The following MMP16 variants were observed in gnomAD, a reference collection of about 807,000 sequenced individuals.
MMP16 encodes matrix metalloproteinase-16.
MMP16 carries 12 observed loss-of-function variants against 67.8 expected under a neutral mutation model. That is an observed-to-expected ratio of 0.18 (90% CI 0.11 to 0.29). The LOEUF (loss-of-function observed/expected upper bound fraction) is 0.29. Ranked by LOEUF, MMP16 falls within the 10% of genes least tolerant of loss-of-function variation. The pLI is 1.00. For synonymous variants in MMP16, 249 were observed against 255.9 expected (o/e 0.97, Z 0.26); for missense variants, 475 against 765.7 (o/e 0.62, Z 4.48).
chr8:88,293,158 T>C (rs955112438), intron 1 of MMP16, among the ~76,000 whole-genome samples: 1 of 152,178 alleles, frequency 6.6e-6, no homozygotes, highest in Non-Finnish European at 1.5e-5. Context: ...TTGATTATTT[T>C]AAATAGATAA....
chr8:88,044,773 T>C, intron 9 of MMP16, among the ~76,000 whole-genome samples: 1 of 152,222 alleles, frequency 6.6e-6, no homozygotes, highest in East Asian at 1.9e-4. Context: ...GCAGTGCCTC[T>C]GTGTTCTATT....
chr8:88,307,291 T>C (rs1411990582), intron 1 of MMP16, among the ~76,000 whole-genome samples: 1 of 152,156 alleles, frequency 6.6e-6, no homozygotes, highest in Admixed American at 6.5e-5. Context: ...TTTTGTATCA[T>C]GAAATGAAGA....
intron 1 of MMP16, among the ~76,000 whole-genome samples, chr8:88,210,127 C>G (rs1264672363): frequency 2.6e-5 from 4 of 152,088 alleles, no homozygotes; most frequent in Non-Finnish European, 5.9e-5. Context: ...GACTTCTAGC[C>G]TCCAAAACTG....
chr8:88,180,567 AT>A (rs1331262771), intron 3 of MMP16, among the ~76,000 whole-genome samples: 1 of 152,112 alleles, frequency 6.6e-6, no homozygotes, highest in Non-Finnish European at 1.5e-5. Flanking sequence ...AAAGGTCTCA[AT>A]TTTCCAAGAA....
intron 7 of MMP16, among the ~76,000 whole-genome samples, chr8:88,067,257 A>G (rs1808475074): frequency 6.6e-6 from 1 of 152,138 alleles, no homozygotes; most frequent in African/African-American, 2.4e-5. Context: ...AACGGGCTCA[A>G]CTAAGAAACT....
At chr8:88,114,070 G>A (rs1809386619) in intron 6 of MMP16, among the ~76,000 whole-genome samples, 1 of 151,730 alleles carries the variant, frequency 6.6e-6, no homozygotes, top group African/African-American at 2.4e-5. Flanking sequence ...AAACTTTTCT[G>A]ACTTTCATTT....
intron 1 of MMP16, among the ~76,000 whole-genome samples, chr8:88,272,918 T>G (rs1810588161): frequency 6.6e-6 from 1 of 152,048 alleles, no homozygotes; most frequent in Non-Finnish European, 1.5e-5. Flanking sequence ...AATTCTATGA[T>G]TCTGTCATTT....
At chr8:88,283,858 CT>C (rs1280635724) in intron 1 of MMP16, among the ~76,000 whole-genome samples, 1 of 152,210 alleles carries the variant, frequency 6.6e-6, no homozygotes, top group African/African-American at 2.4e-5. Context: ...AAGCTGCTCA[CT>C]GACTACACAA....
chr8:88,158,415 A>G (rs1013191900), intron 4 of MMP16, among the ~76,000 whole-genome samples: 4 of 152,232 alleles, frequency 2.6e-5, no homozygotes, highest in African/African-American at 9.6e-5. Context: ...TTCTCTGATG[A>G]CCAGTGATGA....
intron 1 of MMP16, among the ~76,000 whole-genome samples, chr8:88,269,563 G>T (rs2129969175): frequency 6.6e-6 from 1 of 152,292 alleles, no homozygotes; most frequent in African/African-American, 2.4e-5. Flanking sequence ...CTGATGGCTA[G>T]CTGGAATGCG....
rs756760859 is a variant in MMP16 at position 88,167,678 on chromosome 8, T to C, written c.700A>G (p.Asn234Asp). The C allele has an allele frequency of 1.3e-5, 21 of 1,608,448 alleles. No homozygotes were observed. The highest frequency in any genetic ancestry group is 8.5e-7 in the Non-Finnish European group (1 of 1,176,978). The change falls in exon 4 of 10, where the codon AAT becomes GAT. Residue 234 changes from asparagine to aspartate, a missense_variant. Asn to Asp is a conservative substitution (Grantham distance 23, BLOSUM62 1). This residue lies in a region of MMP16 where 195 missense variants were observed against 300.9 expected (regional missense o/e 0.65). Transcript: ENST00000286614. ...ACAAACATGTACTTACCATCATGAT[T>C]AGGATTTCCTAGTGTCCATGGCTCA... ...SDEPWTLGNP[N>D]HDGNDLFLVA...
At chr8:88,239,294 CAAAAAAAA>C (rs34599512) in intron 1 of MMP16, among the ~76,000 whole-genome samples, 1 of 80,540 alleles carries the variant, frequency 1.2e-5, no homozygotes, top group Admixed American at 1.6e-4. Context: ...GACGCAGTCT[CAAAAAAAA>C]AAAAAAAAAA....
At chr8:88,198,624 T>C (rs1318655897) in intron 1 of MMP16, among the ~76,000 whole-genome samples, 1 of 151,984 alleles carries the variant, frequency 6.6e-6, no homozygotes, top group African/African-American at 2.4e-5. Flanking sequence ...TCTTAAAATG[T>C]GAAACACAAA....
chr8:88,079,122 T>C (rs952249656), intron 6 of MMP16, among the ~76,000 whole-genome samples: 2 of 152,154 alleles, frequency 1.3e-5, no homozygotes, highest in Non-Finnish European at 2.9e-5. Flanking sequence ...TTGCTCCAGT[T>C]ATATCAGCTT....
intron 7 of MMP16, among the ~76,000 whole-genome samples, chr8:88,068,758 G>A (rs536072312): frequency 1.2e-4 from 19 of 152,178 alleles, no homozygotes; most frequent in African/African-American, 4.3e-4. Flanking sequence ...CTGGAGTGCA[G>A]GGACATGATC....
chr8:88,155,780 T>C (rs1808499576), intron 4 of MMP16, among the ~76,000 whole-genome samples: 1 of 152,158 alleles, frequency 6.6e-6, no homozygotes, highest in African/African-American at 2.4e-5. Context: ...AAGCTTTTAA[T>C]GGATGTTCTG....
chr8:88,063,362 A>G (rs1808425182), intron 7 of MMP16, among the ~76,000 whole-genome samples: 1 of 152,132 alleles, frequency 6.6e-6, no homozygotes, highest in Admixed American at 6.6e-5. Flanking sequence ...AAGGCAACAC[A>G]AAAAGTTCCT....
chr8:88,074,726 T>C lies in MMP16; in HGVS notation c.1101A>G (p.Arg367=). The change falls in exon 7 of 10, where the codon CGA becomes CGG. Residue 367 remains arginine, a synonymous_variant. Transcript: ENST00000286614. The part of the protein sequence containing the change: ...MFVFKDQWFW[R]VRNNRVMDGY... The stretch of plus-strand genomic sequence containing the variant: ...CATCCATCACCCTGTTGTTTCTCAC[T>C]CGCCAAAACCACTGGTCCTGCAAAC... The C allele has an allele frequency of 6.2e-7, 1 of 1,612,868 alleles. No individual in the cohort carries two copies. Among genetic ancestry groups the C allele is most frequent in the Non-Finnish European group, 8.5e-7 (1 of 1,179,320 alleles).
rs542716263 is a variant in MMP16 at position 88,277,961 on chromosome 8, G to C, written c.132+49114C>G. Among the ~76,000 whole-genome samples, 5 of 152,274 alleles carry C rather than the reference G, an allele frequency of 3.3e-5. No homozygotes were observed. The East Asian group carries it at 9.7e-4, about 29-fold the overall frequency. ...AAGATCTTCTCCAGCACTACTGATT[G>C]CACTGAATTACCAAAAATTTATTTG... On this transcript the variant is annotated intron_variant, in intron 1 of 9. Coordinates refer to ENST00000286614, the MANE Select transcript of MMP16 (RefSeq NM_005941.5).
Sources: gnomAD v4.1 joint callset for allele counts (sites outside exome capture counted in the v4.1 genomes callset) on GRCh38, gnomAD v4.1.1 for gene constraint, gnomAD v4.1.1 regional missense constraint, MANE v1.5 for transcripts, NCBI Gene and HGNC (gene_info 2026-07-23, HGNC 2026-07-21) for gene names.